CUEDC1: variants seen among roughly 807,000 people sequenced by gnomAD.
CUEDC1 encodes CUE domain-containing protein 1.
CUEDC1 carries 30 observed loss-of-function variants against 43.7 expected under a neutral mutation model. That is an observed-to-expected ratio of 0.69 (90% CI 0.51 to 0.93). The LOEUF is 0.93. CUEDC1 is among the 40% of genes least tolerant of loss of function. The pLI, the probability that CUEDC1 is intolerant of heterozygous loss-of-function variation, is 0.00. For missense variants in CUEDC1, 486 were observed against 549.0 expected, an observed-to-expected ratio of 0.89 and a Z score of 1.15; for synonymous variants, 223 against 223.6, an observed-to-expected ratio of 1.00 and a Z score of 0.02.
At chr17:57,886,474 A>AGT (rs1391332050) in intron 1 of CUEDC1, among the ~76,000 whole-genome samples, 1 of 152,202 alleles carries the variant, frequency 6.6e-6, no homozygotes, top group East Asian at 1.9e-4. Context: ...GGGACCCTCC[A>AGT]GTGTCACCGG....
At chr17:57,925,348 A>T (rs1056820193) in intron 1 of CUEDC1, among the ~76,000 whole-genome samples, 1 of 152,174 alleles carries the variant, frequency 6.6e-6, no homozygotes, top group Non-Finnish European at 1.5e-5. Flanking sequence ...GGCAGCCCCG[A>T]GCAATGAGAT....
intron 3 of CUEDC1, 136 bp downstream of exon 3, chr17:57,879,475 G>A (rs2074173247): frequency 1.7e-6 from 2 of 1,198,184 alleles, no homozygotes; most frequent in Non-Finnish European, 2.2e-6. Flanking sequence ...TAGCTAAAAT[G>A]TCTCTTGCTG....
Position 57,885,617 on chromosome 17 carries a change from C to T in CUEDC1, c.-53G>A, listed in dbSNP as rs2074280117. 1.5e-6 allele frequency: 2 copies of T among 1,339,690 alleles called. No homozygotes were observed. The highest frequency in any genetic ancestry group is 1.9e-6 in the Non-Finnish European group (2 of 1,051,404). The allele number at this position is 1,339,690 out of a possible 1,614,324, so 83.0% of individuals were successfully genotyped here. A position where few individuals can be genotyped will look rare whatever the true frequency, so the allele number is the denominator to read the frequency against. On this transcript the variant is annotated 5_prime_UTR_variant, in exon 2 of 11. Coordinates refer to ENST00000577830, the MANE Select transcript of CUEDC1 (RefSeq NM_001271875.2). ...TCTAGCCGGCCGCAAAGCCCCTTCC[C>T]CAGGGTCTTTCCGCCGTCAGCCGCT...
intron 1 of CUEDC1, among the ~76,000 whole-genome samples, chr17:57,916,721 G>A (rs997950155): frequency 1.3e-5 from 2 of 152,126 alleles, no homozygotes; most frequent in Admixed American, 6.5e-5. Context: ...AACTCGCCTG[G>A]GCCCCGCTCT....
At chr17:57,933,112 G>A (rs1567722542) in intron 1 of CUEDC1, among the ~76,000 whole-genome samples, 1 of 152,232 alleles carries the variant, frequency 6.6e-6, no homozygotes, top group Middle Eastern at 3.4e-3. Flanking sequence ...AACCCTGGCT[G>A]CCCAATAGAA....
chr17:57,872,473 A>G (rs2074047806), intron 5 of CUEDC1, among the ~76,000 whole-genome samples, 190 bp downstream of exon 5: 1 of 152,232 alleles, frequency 6.6e-6, no homozygotes, highest in Admixed American at 6.5e-5. Flanking sequence ...GGGGTGGGCT[A>G]GTGACCCAGG....
intron 1 of CUEDC1, among the ~76,000 whole-genome samples, chr17:57,888,558 C>T (rs1490885559): frequency 1.3e-5 from 2 of 152,228 alleles, no homozygotes; most frequent in Admixed American, 6.5e-5. Context: ...TATGACATGG[C>T]TTCCCATAGC....
intron 1 of CUEDC1, among the ~76,000 whole-genome samples, chr17:57,948,010 C>T (rs1197453825): frequency 1.3e-5 from 2 of 151,868 alleles, no homozygotes; most frequent in Admixed American, 6.6e-5. Flanking sequence ...TGTGGCTAGG[C>T]AGTATTATGA....
At chr17:57,874,933 A>C (rs999387636) in intron 3 of CUEDC1, among the ~76,000 whole-genome samples, 2 of 152,170 alleles carry the variant, frequency 1.3e-5, no homozygotes, top group African/African-American at 4.8e-5. Flanking sequence ...GTGGGAGCTC[A>C]GCTCTTGCAG....
At chr17:57,894,742 C>T (rs1597990722) in intron 1 of CUEDC1, among the ~76,000 whole-genome samples, 1 of 152,186 alleles carries the variant, frequency 6.6e-6, no homozygotes, top group South Asian at 2.1e-4. Flanking sequence ...CCTGCCTCAA[C>T]ACTTGTGGCC....
rs1453713913 is a variant in CUEDC1 at position 57,954,202 on chromosome 17, G to T, written c.-316+1023C>A. Among the ~76,000 whole-genome samples the T allele has an allele frequency of 1.3e-5, 2 of 152,206 alleles. No individual in the cohort carries two copies. Among genetic ancestry groups the T allele is most frequent in the Non-Finnish European group, 2.9e-5 (2 of 68,038 alleles). On this transcript the variant is annotated intron_variant, in intron 1 of 10. Coordinates refer to ENST00000577830, the MANE Select transcript of CUEDC1 (RefSeq NM_001271875.2). This position sits in a 1 kb window ranked among gnomAD's most constrained non-coding sequence, Gnocchi z 4.3. ...AGGTGCTGCGGGATCACCCAGGGAA[G>T]GCTCATTCCTCTCGCTACAAGACGC...
intron 1 of CUEDC1, among the ~76,000 whole-genome samples, chr17:57,942,427 C>T (rs1257534416): frequency 2.6e-5 from 4 of 151,946 alleles, no homozygotes; most frequent in Admixed American, 6.6e-5. Flanking sequence ...CTCGCTCTGT[C>T]GCCCAGGCTG....
chr17:57,879,175 G>A (rs2074169707), intron 3 of CUEDC1, among the ~76,000 whole-genome samples: 1 of 152,208 alleles, frequency 6.6e-6, no homozygotes, highest in South Asian at 2.1e-4. Flanking sequence ...GGAATGCTGT[G>A]TTCTGTGTTA....
chr17:57,871,622 T>C (rs2074035983), intron 5 of CUEDC1, among the ~76,000 whole-genome samples: 1 of 152,118 alleles, frequency 6.6e-6, no homozygotes, highest in Non-Finnish European at 1.5e-5. Context: ...CCAAACCCCC[T>C]CATTTAAAAA....
intron 1 of CUEDC1, among the ~76,000 whole-genome samples, chr17:57,922,951 C>A (rs981575892): frequency 1.3e-5 from 2 of 151,402 alleles, no homozygotes; most frequent in African/African-American, 4.9e-5. Flanking sequence ...ACATGGCTCA[C>A]TGCAGCCTTG....
chr17:57,867,157 C>A, intron 9 of CUEDC1, 200 bp downstream of exon 9: 1 of 616,742 alleles, frequency 1.6e-6, no homozygotes, highest in Non-Finnish European at 2.9e-6. Context: ...AGGGCTAGGG[C>A]CCCTTTTCAG....
chr17:57,905,318 C>A (rs977632820), intron 1 of CUEDC1, among the ~76,000 whole-genome samples: 1 of 150,824 alleles, frequency 6.6e-6, no homozygotes, highest in East Asian at 2.0e-4. Flanking sequence ...ACTCTCCACC[C>A]AGCTCTAAGT....
chr17:57,952,077 T>G (rs2075012390), intron 1 of CUEDC1, among the ~76,000 whole-genome samples: 1 of 152,202 alleles, frequency 6.6e-6, no homozygotes, highest in Admixed American at 6.5e-5. Flanking sequence ...TCATGGCCAC[T>G]GGGGAAGGTG....
intron 2 of CUEDC1, among the ~76,000 whole-genome samples, chr17:57,883,612 A>T (rs1259452511): frequency 1.3e-5 from 2 of 151,946 alleles, no homozygotes; most frequent in African/African-American, 4.8e-5. Flanking sequence ...AGTCCCAGCT[A>T]CTCGAGAGGC....
Sources: gnomAD v4.1 joint callset for allele counts (sites outside exome capture counted in the v4.1 genomes callset) on GRCh38, gnomAD v4.1.1 for gene constraint, Gnocchi (gnomAD v3.1) non-coding constraint, MANE v1.5 for transcripts, NCBI Gene and HGNC (gene_info 2026-07-23, HGNC 2026-07-21) for gene names.